Variants in TMEM132C observed in about 807,000 individuals in gnomAD.
The protein encoded by TMEM132C is transmembrane protein 132C.
In TMEM132C, 29 loss-of-function variants were observed where a neutral mutation model predicts 61.4. That is an observed-to-expected ratio of 0.47 (90% CI 0.35 to 0.64). The LOEUF is 0.64. Among genes scored for constraint, TMEM132C ranks in the 30% least tolerant of loss-of-function variants. The probability of loss-of-function intolerance (pLI) is 0.00; values close to 1 mark genes in which losing one functional copy is unlikely to be tolerated. For synonymous variants in TMEM132C, 656 were observed against 633.1 expected, an observed-to-expected ratio of 1.04 and a Z score of -0.54; for missense variants, 1,408 against 1,476.9, an observed-to-expected ratio of 0.95 and a Z score of 0.76.
chr12:128,601,081 A>G (rs1744005119), intron 3 of TMEM132C, among the ~76,000 whole-genome samples: 1 of 152,222 alleles, frequency 6.6e-6, no homozygotes, highest in Admixed American at 6.5e-5. Flanking sequence ...CGTCTGTGAT[A>G]TTTTGAAAAT....
intron 3 of TMEM132C, among the ~76,000 whole-genome samples, chr12:128,559,243 T>C (rs868128843): frequency 6.6e-6 from 1 of 151,972 alleles, no homozygotes; most frequent in Non-Finnish European, 1.5e-5. Flanking sequence ...TCTAACAATA[T>C]ATCTTGTATT....
At chr12:128,402,592 A>G (rs1312875807) in intron 1 of TMEM132C, among the ~76,000 whole-genome samples, 3 of 152,162 alleles carry the variant, frequency 2.0e-5, no homozygotes, top group African/African-American at 7.2e-5. Flanking sequence ...GTCCTGGGAG[A>G]GCCCCAGCCT....
intron 2 of TMEM132C, among the ~76,000 whole-genome samples, chr12:128,535,411 A>T (rs573741076): frequency 1.3e-5 from 2 of 152,204 alleles, no homozygotes; most frequent in Admixed American, 6.5e-5. Flanking sequence ...AAACAACCCC[A>T]TGAAAAAGTG....
chr12:128,330,477 C>T (rs919001583), intron 1 of TMEM132C, among the ~76,000 whole-genome samples: 5 of 152,242 alleles, frequency 3.3e-5, no homozygotes, highest in Middle Eastern at 3.4e-3. Context: ...CACATGAGCC[C>T]AGGAGTCCAA....
chr12:128,431,899 C>G (rs1378751287), intron 2 of TMEM132C, among the ~76,000 whole-genome samples: 1 of 152,126 alleles, frequency 6.6e-6, no homozygotes, highest in Non-Finnish European at 1.5e-5. Context: ...AGCAGGCTAA[C>G]TCTCTCCTTA....
At chr12:128,676,561 T>A (rs1436522838) in intron 5 of TMEM132C, among the ~76,000 whole-genome samples, 1 of 152,230 alleles carries the variant, frequency 6.6e-6, no homozygotes, top group East Asian at 1.9e-4. Flanking sequence ...TGGTAATCAT[T>A]TCTTACACAC....
At chr12:128,334,707 G>A (rs1374514764) in intron 1 of TMEM132C, among the ~76,000 whole-genome samples, 3 of 150,692 alleles carry the variant, frequency 2.0e-5, no homozygotes, top group Admixed American at 1.3e-4. Context: ...GCCATTCTCC[G>A]GCCTCAGCCT....
chr12:128,404,665 T>C (rs1875277344), intron 1 of TMEM132C: 1 of 151,652 alleles, frequency 6.6e-6, no homozygotes, highest in Admixed American at 6.6e-5. Flanking sequence ...ATCCTTTATG[T>C]CCCAGCCCAG....
At chr12:128,467,695 G>A (rs1378775053) in intron 2 of TMEM132C, among the ~76,000 whole-genome samples, 1 of 152,088 alleles carries the variant, frequency 6.6e-6, no homozygotes, top group Non-Finnish European at 1.5e-5. Context: ...ATGGGGGAGG[G>A]AGCAGGATGA....
At chr12:128,527,509 G>A (rs1218582129) in intron 2 of TMEM132C, among the ~76,000 whole-genome samples, 2 of 152,180 alleles carry the variant, frequency 1.3e-5, no homozygotes, top group Non-Finnish European at 2.9e-5. Context: ...CAAGGAAGCC[G>A]CAGTTACCTG....
At chr12:128,275,672 T>C (rs556960273) in intron 1 of TMEM132C, among the ~76,000 whole-genome samples, 2 of 152,092 alleles carry the variant, frequency 1.3e-5, no homozygotes, top group African/African-American at 2.4e-5. Flanking sequence ...GCCAAAAAGG[T>C]TGGGGACCAC....
At chr12:128,408,663 G>A (rs1565927379) in intron 1 of TMEM132C, among the ~76,000 whole-genome samples, 1 of 152,204 alleles carries the variant, frequency 6.6e-6, no homozygotes, top group Non-Finnish European at 1.5e-5. Flanking sequence ...TTTTGTGCAT[G>A]TTTTAAGCTG....
At chr12:128,512,466 G>A (rs1409373553) in intron 2 of TMEM132C, among the ~76,000 whole-genome samples, 1 of 152,026 alleles carries the variant, frequency 6.6e-6, no homozygotes, top group African/African-American at 2.4e-5. Context: ...TTGCCACATA[G>A]TATTCCACCG....
chr12:128,682,422 A>T (rs968812026), intron 5 of TMEM132C, among the ~76,000 whole-genome samples: 1 of 152,206 alleles, frequency 6.6e-6, no homozygotes, highest in Admixed American at 6.5e-5. Flanking sequence ...ACATTCATCC[A>T]AGCAATGGTT....
At chr12:128,618,720 T>C (rs980596603) in intron 4 of TMEM132C, among the ~76,000 whole-genome samples, 11 of 152,204 alleles carry the variant, frequency 7.2e-5, no homozygotes, top group African/African-American at 2.7e-4. Context: ...CGTCGCCATG[T>C]AAGACATGCT....
chr12:128,569,755 GAAAACT>G (rs1874813853), intron 3 of TMEM132C, among the ~76,000 whole-genome samples: 1 of 152,200 alleles, frequency 6.6e-6, no homozygotes, highest in South Asian at 2.1e-4. Flanking sequence ...TTGGTTCTGT[GAAAACT>G]TAGCCACACT....
At chr12:128,405,710 CA>C (rs1479577687) in intron 1 of TMEM132C, among the ~76,000 whole-genome samples, 1 of 152,148 alleles carries the variant, frequency 6.6e-6, no homozygotes. Context: ...TTATTTATTA[CA>C]ATTTTAATTT....
At chr12:128,604,406 A>AAGGT (rs1555235311) in intron 3 of TMEM132C, among the ~76,000 whole-genome samples, 1 of 144,440 alleles carries the variant, frequency 6.9e-6, no homozygotes, top group Non-Finnish European at 1.5e-5. Context: ...TAATGGATGG[A>AAGGT]AGATAGATAG....
chr12:128,697,662 C>A (rs1460540359), intron 8 of TMEM132C, among the ~76,000 whole-genome samples: 3 of 152,226 alleles, frequency 2.0e-5, no homozygotes, highest in Non-Finnish European at 4.4e-5. Context: ...CCTCTCTTCT[C>A]AAGAGGAGAG....
Sources: gnomAD v4.1 joint callset for allele counts (sites outside exome capture counted in the v4.1 genomes callset) on GRCh38, gnomAD v4.1.1 for gene constraint, MANE v1.5 for transcripts, NCBI Gene and HGNC (gene_info 2026-07-23, HGNC 2026-07-21) for gene names.